The following TRAIP variants were observed in gnomAD, a reference collection of about 807,000 sequenced individuals.
TRAIP encodes the protein E3 ubiquitin-protein ligase TRAIP.
A neutral mutation model predicts 65.0 loss-of-function variants in TRAIP; 37 were observed. The observed-to-expected ratio is 0.57, with a 90% CI of 0.44 to 0.75. The LOEUF (loss-of-function observed/expected upper bound fraction) is 0.75. Among genes scored for constraint, TRAIP ranks in the 30% least tolerant of loss-of-function variants. The pLI is 0.00. For missense variants in TRAIP, 481 were observed against 579.4 expected (o/e 0.83, Z 1.74); for synonymous variants, 187 against 219.1 (o/e 0.85, Z 1.29).
chr3:49,832,467 G>A (rs1301780920), intron 10 of TRAIP, among the ~76,000 whole-genome samples: 4 of 144,602 alleles, frequency 2.8e-5, no homozygotes, highest in Admixed American at 7.1e-5. Context: ...TCCAGCCTGG[G>A]CGACAGAGCA....
chr3:49,829,288 G>A, intron 14 of TRAIP, 63 bp from the exon 15 acceptor site: 1 of 1,613,632 alleles, frequency 6.2e-7, no homozygotes, highest in Non-Finnish European at 8.5e-7. Context: ...AGAAAGGACT[G>A]CAATGCAGGG....
intron 4 of TRAIP, among the ~76,000 whole-genome samples, chr3:49,844,311 A>G (rs1559449837): frequency 6.6e-6 from 1 of 152,120 alleles, no homozygotes; most frequent in Non-Finnish European, 1.5e-5. Context: ...TTCCTGGGCA[A>G]GAAGCTGCAC....
intron 10 of TRAIP, among the ~76,000 whole-genome samples, chr3:49,834,399 C>T (rs1000484699): frequency 6.6e-6 from 1 of 152,136 alleles, no homozygotes; most frequent in Non-Finnish European, 1.5e-5. Flanking sequence ...GAGACTGACA[C>T]AGCAGCCAGA....
At chr3:49,836,116 C>T (rs2081784707) in intron 10 of TRAIP, among the ~76,000 whole-genome samples, 1 of 151,858 alleles carries the variant, frequency 6.6e-6, no homozygotes, top group African/African-American at 2.4e-5. Flanking sequence ...GCGTGTACCA[C>T]CACACCTGGC....
rs550476363 is a variant in TRAIP at position 49,844,025 on chromosome 3, A to G, written c.281-97T>C. 4.2e-5 allele frequency: 63 copies of G among 1,488,472 alleles called. No homozygotes were observed. In the African/African-American group the frequency reaches 7.8e-4, roughly 18 times the overall value. The allele number at this position is 1,488,472 out of a possible 1,614,324, so 92.2% of individuals were successfully genotyped here. A position where few individuals can be genotyped will look rare whatever the true frequency, so the allele number is the denominator to read the frequency against. ...GGATTCAGTGCCTCATCCCTTAGGC[A>G]GGTGAGAAACAAGGCTCAGGCCTGA... On this transcript the variant is annotated intron_variant, in intron 4 of 14. Transcript: ENST00000331456.
At chr3:49,831,360 C>T (rs1483016998) in intron 11 of TRAIP, among the ~76,000 whole-genome samples, 2 of 152,258 alleles carry the variant, frequency 1.3e-5, no homozygotes, top group Non-Finnish European at 2.9e-5. Flanking sequence ...CAGTGAATTA[C>T]ACTTGGCAAA....
intron 1 of TRAIP, among the ~76,000 whole-genome samples, chr3:49,852,522 G>A (rs1013810663): frequency 2.3e-4 from 35 of 151,446 alleles, no homozygotes; most frequent in African/African-American, 7.8e-4. Flanking sequence ...TTGGGAGGCC[G>A]AGGCAGGCAG....
chr3:49,845,853 T>C (rs1168037582), intron 3 of TRAIP, among the ~76,000 whole-genome samples: 1 of 152,190 alleles, frequency 6.6e-6, no homozygotes, highest in Non-Finnish European at 1.5e-5. Flanking sequence ...ACGATGAACA[T>C]GCTTGCTCTA....
At position 49,829,151 on chromosome 3, in the gene TRAIP, T is replaced by G. The variant is rs35129566; in HGVS notation, c.1362A>C (p.Thr454=). The G allele has an allele frequency of 0.16, 263,643 of 1,614,094 alleles. 23,566 individuals carry two copies. Among genetic ancestry groups the G allele is most frequent in the African/African-American group, 0.26 (19,551 of 74,984 alleles). The change falls in exon 15 of 15, where the codon ACA becomes ACC. Residue 454 remains threonine, a synonymous_variant. Coordinates refer to ENST00000331456, the MANE Select transcript of TRAIP (RefSeq NM_005879.3). ...TKVKQRVRVK[T]VPSLFQAKLD... ...GCTTGGCCTGGAAGAGAGAAGGCAC[T>G]GTCTTCACCCTCACCCTCTGCTTAA...
chr3:49,847,585 A>T lies in TRAIP; in HGVS notation c.180T>A (p.Asn60Lys). Residue 60 changes from asparagine (N) to lysine (K), a missense_variant, in exon 3 of 15, where the codon AAT becomes AAA. Asn to Lys is a moderately conservative substitution (Grantham distance 94, BLOSUM62 0). Coordinates refer to ENST00000331456, the MANE Select transcript of TRAIP (RefSeq NM_005879.3). Reference sequence around the variant, plus strand: ...CCTGGGCAAGATCAAAGAAGAGCTTATTGATAATGGTTCTTTTGCCAACCT... The same window carrying T: ...CCTGGGCAAGATCAAAGAAGAGCTTTTTGATAATGGTTCTTTTGCCAACCT... ...RIQVGKRTII[N>K]KLFFDLAQEE... 3 of 1,610,616 alleles carry T rather than the reference A, an allele frequency of 1.9e-6. 1 individual carries two copies. In the South Asian group the frequency reaches 3.3e-5, roughly 18 times the overall value.
chr3:49,844,989 C>A lies in TRAIP; in HGVS notation c.241-409G>T, dbSNP rs547635704. 2.0e-5 allele frequency among the ~76,000 whole-genome samples: 3 copies of A among 152,334 alleles called. No homozygotes were observed. The East Asian group carries it at 5.8e-4, about 29-fold the overall frequency. ...GACACACAATAGGAATGGCCAAGGA[C>A]CTTGGGCGACTACTCCTCCTCTCCA... On this transcript the variant is annotated intron_variant, in intron 3 of 14. Coordinates refer to ENST00000331456, the MANE Select transcript of TRAIP (RefSeq NM_005879.3).
rs1046695210 is a variant in TRAIP at position 49,832,649 on chromosome 3, T to C, written c.885-581A>G. Among the ~76,000 whole-genome samples, 40 of 125,298 alleles carry C rather than the reference T, an allele frequency of 3.2e-4. No homozygotes were observed. In the Admixed American group the frequency reaches 3.3e-3, roughly 10 times the overall value. 82.2% of individuals were successfully genotyped at this position (125,298 alleles called of 152,430 possible). A position where few individuals can be genotyped will look rare whatever the true frequency, so the allele number is the denominator to read the frequency against. On this transcript the variant is annotated intron_variant, in intron 10 of 14. Coordinates refer to ENST00000331456, the MANE Select transcript of TRAIP (RefSeq NM_005879.3). The stretch of plus-strand genomic sequence containing the variant: ...ATGTCAACCATAAGTACCTCTATGA[T>C]AACTCCCTATTTTCCAAATTCTCAA...
chr3:49,849,430 C>A (rs1229426974), intron 1 of TRAIP, among the ~76,000 whole-genome samples: 1 of 120,938 alleles, frequency 8.3e-6, no homozygotes, highest in African/African-American at 2.6e-5. Context: ...TTGAGACCAT[C>A]CTGACTAACA....
chr3:49,841,988 G>T, intron 6 of TRAIP, 49 bp from the exon 7 acceptor site: 2 of 1,467,546 alleles, frequency 1.4e-6, no homozygotes, highest in Non-Finnish European at 1.9e-6. Context: ...AGGCTGATGG[G>T]TAGGTACCCA....
At chr3:49,856,286 A>C in intron 1 of TRAIP, 70 bp downstream of exon 1, 1 of 1,360,632 alleles carries the variant, frequency 7.3e-7, no homozygotes, top group Non-Finnish European at 1.0e-6. Flanking sequence ...GACCGCCTGG[A>C]GGCCCAACAC....
intron 1 of TRAIP, among the ~76,000 whole-genome samples, chr3:49,853,383 T>C (rs1262895613): frequency 2.0e-5 from 3 of 152,030 alleles, no homozygotes; most frequent in South Asian, 2.1e-4. Context: ...GGCAGGAGGA[T>C]TGCTTTAGGC....
In TRAIP at chr3:49,829,095, C is replaced by T. The variant is rs1159168656; in HGVS notation, c.*8G>A. On this transcript the variant is annotated 3_prime_UTR_variant, in exon 15 of 15. Coordinates refer to ENST00000331456, the MANE Select transcript of TRAIP (RefSeq NM_005879.3). ...CATGTGTCTGGCCATTGGTCAGACTCACTGTTCTCACGACCACAGGAAGGT... is the reference window on the plus strand; with the variant it reads ...CATGTGTCTGGCCATTGGTCAGACTTACTGTTCTCACGACCACAGGAAGGT... The T allele has an allele frequency of 6.2e-7, 1 of 1,614,046 alleles. No homozygotes were observed. The highest frequency in any genetic ancestry group is 1.3e-5 in the African/African-American group (1 of 74,928).
intron 14 of TRAIP, 114 bp downstream of exon 14, chr3:49,829,344 T>G: frequency 6.2e-7 from 1 of 1,611,068 alleles, no homozygotes; most frequent in Non-Finnish European, 8.5e-7. Flanking sequence ...ATACACAGAA[T>G]GAGGCCCAGC....
At chr3:49,840,428 C>G in intron 8 of TRAIP, 55 bp from the exon 9 acceptor site, 2 of 1,437,398 alleles carry the variant, frequency 1.4e-6, no homozygotes, top group Non-Finnish European at 2.0e-6. Flanking sequence ...TTGTGCCCTG[C>G]CCCCTCCTGC....
Sources: gnomAD v4.1 joint callset for allele counts (sites outside exome capture counted in the v4.1 genomes callset) on GRCh38, gnomAD v4.1.1 for gene constraint, MANE v1.5 for transcripts, NCBI Gene and HGNC (gene_info 2026-07-23, HGNC 2026-07-21) for gene names.